TRIQK: variants seen among roughly 807,000 people sequenced by gnomAD.
TRIQK encodes the protein triple QxxK/R motif-containing protein.
Under a neutral mutation model 10.8 loss-of-function variants are expected in TRIQK, and 10 were observed. The observed-to-expected ratio is 0.92, with a 90% CI of 0.57 to 1.57. TRIQK has a LOEUF of 1.57. Ranked by LOEUF, TRIQK falls within the 40% of genes most tolerant of loss-of-function variation. The pLI, the probability that TRIQK is intolerant of heterozygous loss-of-function variation, is 0.00. For missense variants in TRIQK, 107 were observed against 97.7 expected (o/e 1.09, Z -0.40); for synonymous variants, 33 against 33.7 (o/e 0.98, Z 0.07).
rs74378839 is a variant in TRIQK, at chr8:92,982,374, C to T, written c.-180-27810G>A. Among the ~76,000 whole-genome samples the T allele has an allele frequency of 5.7e-3, 862 of 152,020 alleles. 8 individuals are homozygous for T. The highest frequency in any genetic ancestry group is 0.02 in the African/African-American group (818 of 41,520). Reference sequence around the variant, plus strand: ...AATAGAAATAAAGATTTATGTATTACGTGTTTCTTATGGAATATTAAAATA... The same window carrying T: ...AATAGAAATAAAGATTTATGTATTATGTGTTTCTTATGGAATATTAAAATA... On this transcript the variant is annotated intron_variant, in intron 1 of 4. Coordinates refer to the TRIQK transcript ENST00000520686.
intron 2 of TRIQK, among the ~76,000 whole-genome samples, chr8:92,932,610 A>G (rs1166532343): frequency 6.6e-6 from 1 of 152,152 alleles, no homozygotes; most frequent in African/African-American, 2.4e-5. Context: ...GTTAGCATTT[A>G]TTGATGTTTC....
At chr8:92,940,207 A>G (rs1811198010) in intron 2 of TRIQK, among the ~76,000 whole-genome samples, 1 of 152,194 alleles carries the variant, frequency 6.6e-6, no homozygotes, top group Admixed American at 6.5e-5. Flanking sequence ...ATCCATGTCA[A>G]AGAACTCCTG....
intron 1 of TRIQK, among the ~76,000 whole-genome samples, chr8:93,016,210 A>G (rs1813383403): frequency 6.6e-6 from 1 of 152,220 alleles, no homozygotes; most frequent in South Asian, 2.1e-4. Flanking sequence ...TCATCACAAT[A>G]AATGAACAAA....
chr8:92,988,696 G>A lies in TRIQK; in HGVS notation c.-181+28913C>T, dbSNP rs572531048. Among the ~76,000 whole-genome samples the A allele has an allele frequency of 3.9e-5, 6 of 152,242 alleles. No homozygotes were observed. The East Asian group carries it at 1.2e-3, about 29-fold the overall frequency. On this transcript the variant is annotated intron_variant, in intron 1 of 4. Coordinates refer to the TRIQK transcript ENST00000520686. ...AGATTGCAGATTTCCAAGATCCTTT[G>A]TTTGGCCCGCATATCAGTTTTGTTA...
At chr8:92,940,444 G>A (rs541483965) in intron 2 of TRIQK, among the ~76,000 whole-genome samples, 11 of 151,978 alleles carry the variant, frequency 7.2e-5, no homozygotes, top group African/African-American at 2.2e-4. Context: ...GATATTGCAT[G>A]CAAATGGAAA....
rs191802510 is a variant in TRIQK, at chr8:92,979,697, A to G, written c.-180-25133T>C. The stretch of plus-strand genomic sequence containing the variant: ...TTTATTACTCAAATATTATAGTTTT[A>G]TAGTTTTCTTAATGGCAACTACTAC... On this transcript the variant is annotated intron_variant, in intron 1 of 4. Coordinates refer to the TRIQK transcript ENST00000520686. 5.9e-5 allele frequency among the ~76,000 whole-genome samples: 9 copies of G among 152,140 alleles called. No individual in the cohort carries two copies. The East Asian group carries it at 1.4e-3, about 23-fold the overall frequency.
At chr8:92,949,038 G>A (rs2130649776) in intron 2 of TRIQK, among the ~76,000 whole-genome samples, 1 of 152,222 alleles carries the variant, frequency 6.6e-6, no homozygotes, top group East Asian at 1.9e-4. Flanking sequence ...AACCAATCTG[G>A]CTGTTTCTGT....
intron 3 of TRIQK, among the ~76,000 whole-genome samples, chr8:92,908,270 C>T (rs755654810): frequency 3.2e-4 from 49 of 152,156 alleles, no homozygotes; most frequent in African/African-American, 6.7e-4. Flanking sequence ...TCTCAACAGT[C>T]GACTTTACAC....
At chr8:92,946,757 T>C (rs905610015) in intron 2 of TRIQK, among the ~76,000 whole-genome samples, 3 of 151,120 alleles carry the variant, frequency 2.0e-5, no homozygotes, top group Non-Finnish European at 4.4e-5. Flanking sequence ...TTTTATTTTA[T>C]TTTACTTTTT....
intron 3 of TRIQK, among the ~76,000 whole-genome samples, chr8:92,892,901 C>A (rs771934335): frequency 4.6e-5 from 7 of 151,904 alleles, no homozygotes; most frequent in African/African-American, 1.7e-4. Flanking sequence ...TGTTAGCCAA[C>A]TCTTAACTAG....
chr8:92,979,142 T>G (rs1235778328), intron 1 of TRIQK, among the ~76,000 whole-genome samples: 1 of 152,102 alleles, frequency 6.6e-6, no homozygotes, highest in Non-Finnish European at 1.5e-5. Context: ...TGGAATCATC[T>G]TTAAGCTTTT....
chr8:93,005,893 T>C lies in TRIQK; in HGVS notation c.-181+11716A>G, dbSNP rs148255664. 5.5e-3 allele frequency among the ~76,000 whole-genome samples: 838 copies of C among 152,220 alleles called. 2 individuals are homozygous for C. Among genetic ancestry groups the C allele is most frequent in the Middle Eastern group, 0.014 (4 of 294 alleles). On this transcript the variant is annotated intron_variant, in intron 1 of 4. Transcript: ENST00000520686. The stretch of plus-strand genomic sequence containing the variant: ...TCCCTGTTTGCAGATGACATGACCT[T>C]GTAGGTAAAACACCCTAAAGACTCC...
intron 2 of TRIQK, among the ~76,000 whole-genome samples, chr8:92,944,980 T>C (rs1057065441): frequency 1.3e-5 from 2 of 152,176 alleles, no homozygotes; most frequent in Non-Finnish European, 2.9e-5. Flanking sequence ...AATATGTATA[T>C]TTATTATATC....
chr8:92,890,077 G>A (rs1412378957), intron 4 of TRIQK, among the ~76,000 whole-genome samples: 1 of 151,588 alleles, frequency 6.6e-6, no homozygotes, highest in African/African-American at 2.4e-5. Context: ...TTATCAATAT[G>A]GATAAAATCA....
At chr8:92,966,996 A>AC (rs1432047608), upstream of TRIQK, among the ~76,000 whole-genome samples, 1 of 150,742 alleles carries the variant, frequency 6.6e-6, no homozygotes, top group South Asian at 2.1e-4. Flanking sequence ...AAAAAAAAAA[A>AC]AAAAAACTGA....
chr8:92,923,353 G>A (rs1441639659), intron 2 of TRIQK, among the ~76,000 whole-genome samples: 3 of 151,086 alleles, frequency 2.0e-5, no homozygotes, highest in Admixed American at 6.7e-5. Flanking sequence ...TGATAGATGC[G>A]GAAAGGGAAT....
chr8:92,956,837 T>C (rs1812195490), intron 1 of TRIQK, among the ~76,000 whole-genome samples: 1 of 151,860 alleles, frequency 6.6e-6, no homozygotes, highest in Non-Finnish European at 1.5e-5. Flanking sequence ...TGAAGAACTT[T>C]TGGATTTTGA....
chr8:92,917,643 A>G (rs1473871640), intron 2 of TRIQK, among the ~76,000 whole-genome samples: 2 of 151,994 alleles, frequency 1.3e-5, no homozygotes, highest in Non-Finnish European at 2.9e-5. Context: ...GATATATGTA[A>G]TATTTTGATA....
At chr8:93,015,272 TAA>T in intron 1 of TRIQK, among the ~76,000 whole-genome samples, 1 of 152,080 alleles carries the variant, frequency 6.6e-6, no homozygotes, top group Admixed American at 6.5e-5. Flanking sequence ...AGTGTATTTC[TAA>T]AATTCCAGCT....
Sources: gnomAD v4.1 joint callset for allele counts (sites outside exome capture counted in the v4.1 genomes callset) on GRCh38, gnomAD v4.1.1 for gene constraint, MANE v1.5 for transcripts, NCBI Gene and HGNC (gene_info 2026-07-23, HGNC 2026-07-21) for gene names.